CADM2: variants seen among roughly 807,000 people sequenced by gnomAD.
CADM2 encodes the protein cell adhesion molecule 2.
A neutral mutation model predicts 49.8 loss-of-function variants in CADM2; 12 were observed. That is an observed-to-expected ratio of 0.24 (90% confidence interval 0.15 to 0.39). The LOEUF (loss-of-function observed/expected upper bound fraction) is 0.39, where lower values mean the gene tolerates loss of function less well. Among genes scored for constraint, CADM2 ranks in the 10% least tolerant of loss-of-function variants. The pLI, the probability that CADM2 is intolerant of heterozygous loss-of-function variation, is 1.00. For missense variants in CADM2, 378 were observed against 492.3 expected (o/e 0.77, Z 2.20); for synonymous variants, 214 against 175.4 (o/e 1.22, Z -1.74).
intron 1 of CADM2, among the ~76,000 whole-genome samples, chr3:85,131,633 C>G (rs550043418): frequency 2.6e-5 from 4 of 152,084 alleles, no homozygotes; most frequent in African/African-American, 9.7e-5. Flanking sequence ...CATTAATATT[C>G]TCCATTTTTA....
At chr3:85,658,508 GTCTA>G (rs944568263) in intron 1 of CADM2, among the ~76,000 whole-genome samples, 3 of 142,612 alleles carry the variant, frequency 2.1e-5, no homozygotes, top group Non-Finnish European at 3.0e-5. Context: ...TTATCTATCT[GTCTA>G]TCTATCTACC....
chr3:85,454,934 C>A (rs2037924119), intron 1 of CADM2, among the ~76,000 whole-genome samples: 1 of 152,142 alleles, frequency 6.6e-6, no homozygotes. Flanking sequence ...TGATTCAATG[C>A]TGCCTTATTT....
intron 1 of CADM2, among the ~76,000 whole-genome samples, chr3:85,030,810 C>A (rs112408404): frequency 6.6e-5 from 10 of 152,082 alleles, no homozygotes; most frequent in Non-Finnish European, 1.0e-4. Flanking sequence ...AAACTCTTTC[C>A]GTCTCTCCCC....
At position 85,197,795 on chromosome 3, in the gene CADM2, T is replaced by C. The variant is rs78727845; in HGVS notation, c.61+238127T>C. Among the ~76,000 whole-genome samples, 1,052 of 152,086 alleles carry C rather than the reference T, an allele frequency of 6.9e-3. 9 individuals carry two copies. Among genetic ancestry groups the C allele is most frequent in the African/African-American group, 0.023 (963 of 41,556 alleles). On this transcript the variant is annotated intron_variant, in intron 1 of 9. Transcript: ENST00000383699. ...ATGATGCTGCTTGTATTTTTACTTG[T>C]TTTACATGTGCCTCTTAGGAGTACG...
At chr3:85,207,050 A>ATGTGTGTGTGTGTGTGTGTGTGTG (rs3085116) in intron 1 of CADM2, among the ~76,000 whole-genome samples, 2 of 144,884 alleles carry the variant, frequency 1.4e-5, no homozygotes, top group Non-Finnish European at 3.0e-5. Context: ...GAAGAAATAA[A>ATGTGTGTGTGTGTGTGTGTGTGTG]TGTGTGTGTG....
In CADM2 at chr3:85,542,448, C is replaced by G. The variant is rs1381904150; in HGVS notation, c.62-184074C>G. ...TTTAGAACATTGTGATGTCATCATC[C>G]TATCACCTTTTCATCTCATAAGATA... On this transcript the variant is annotated intron_variant, in intron 1 of 9. Transcript: ENST00000383699. 2.0e-5 allele frequency among the ~76,000 whole-genome samples: 3 copies of G among 152,024 alleles called. No homozygotes were observed. In the East Asian group the frequency reaches 5.8e-4, roughly 29 times the overall value.
In CADM2 at chr3:85,360,364, A is replaced by G. The variant is rs559357345; in HGVS notation, c.62-366158A>G. Among the ~76,000 whole-genome samples the G allele has an allele frequency of 7.2e-5, 11 of 152,314 alleles. No individual in the cohort carries two copies. In the South Asian group the frequency reaches 2.3e-3, roughly 32 times the overall value. Reference sequence around the variant, plus strand: ...AAAAAATAGCATCTCAGATGAAATCAACATTTAAAAATAGCTATAGACAAA... The same window carrying G: ...AAAAAATAGCATCTCAGATGAAATCGACATTTAAAAATAGCTATAGACAAA... On this transcript the variant is annotated intron_variant, in intron 1 of 9. Transcript: ENST00000383699.
intron 2 of CADM2, among the ~76,000 whole-genome samples, chr3:85,784,161 G>C (rs1021630836): frequency 6.6e-6 from 1 of 152,136 alleles, no homozygotes; most frequent in African/African-American, 2.4e-5. Context: ...CCAATAACCA[G>C]AACACTTGGA....
intron 1 of CADM2, among the ~76,000 whole-genome samples, chr3:85,325,688 CAAAA>C (rs35096319): frequency 1.0e-3 from 93 of 92,678 alleles, no homozygotes; most frequent in African/African-American, 2.6e-3. Flanking sequence ...AAGACTCCAT[CAAAA>C]AAAAAAAAAA....
intron 1 of CADM2, among the ~76,000 whole-genome samples, chr3:85,056,170 A>T (rs1296990747): frequency 1.3e-5 from 2 of 152,076 alleles, no homozygotes; most frequent in Admixed American, 1.3e-4. Context: ...CTTAGTATCC[A>T]CTGATGACTT....
rs540383772 is a variant in CADM2, at chr3:85,746,164, GA to G, written c.88+19618del. 5.9e-5 allele frequency among the ~76,000 whole-genome samples: 9 copies of G among 152,216 alleles called. No homozygotes were observed. The East Asian group carries it at 1.7e-3, about 29-fold the overall frequency. On this transcript the variant is annotated intron_variant, in intron 2 of 9. Coordinates refer to ENST00000383699, the MANE Select transcript of CADM2 (RefSeq NM_001167675.2). ...CAAAGAGCAACTAGAACCTCATTAT[GA>G]ACAATTATTTTATGGCAATCCAGTA...
At chr3:85,516,970 A>G (rs891942719) in intron 1 of CADM2, among the ~76,000 whole-genome samples, 4 of 151,840 alleles carry the variant, frequency 2.6e-5, no homozygotes, top group Non-Finnish European at 5.9e-5. Context: ...CCTGTTTTCT[A>G]TTGTTCCTTT....
At chr3:85,081,338 G>A (rs1307794685) in intron 1 of CADM2, among the ~76,000 whole-genome samples, 2 of 152,196 alleles carry the variant, frequency 1.3e-5, no homozygotes, top group East Asian at 3.9e-4. Flanking sequence ...ACTAAAATGA[G>A]TTACCTCATG....
chr3:85,859,794 ATGT>A (rs1184767959), intron 3 of CADM2, among the ~76,000 whole-genome samples: 1 of 152,152 alleles, frequency 6.6e-6, no homozygotes, highest in Non-Finnish European at 1.5e-5. Context: ...GTCAGTCTTT[ATGT>A]TGTTCTCATT....
chr3:85,997,158 T>G (rs1415002038), intron 8 of CADM2, among the ~76,000 whole-genome samples: 8 of 152,220 alleles, frequency 5.3e-5, no homozygotes, highest in Admixed American at 5.2e-4. Context: ...AAGGTTTAGG[T>G]GTTCAAAAAC....
intron 1 of CADM2, among the ~76,000 whole-genome samples, chr3:85,392,290 AT>A (rs1293770058): frequency 6.6e-6 from 1 of 151,996 alleles, no homozygotes; most frequent in African/African-American, 2.4e-5. Flanking sequence ...TAACTTAAAT[AT>A]TTTTCCTAGT....
chr3:85,910,204 G>T (rs148462199), intron 5 of CADM2, among the ~76,000 whole-genome samples: 1 of 152,208 alleles, frequency 6.6e-6, no homozygotes, highest in East Asian at 1.9e-4. Flanking sequence ...ACAACCAGCA[G>T]TAATACTTTG....
intron 1 of CADM2, among the ~76,000 whole-genome samples, chr3:85,475,817 C>G (rs1451353829): frequency 6.6e-6 from 1 of 151,822 alleles, no homozygotes. Flanking sequence ...AGGCACTGTT[C>G]CTAGATGTTT....
intron 3 of CADM2, among the ~76,000 whole-genome samples, chr3:85,854,279 G>T (rs982114321): frequency 6.6e-6 from 1 of 152,016 alleles, no homozygotes; most frequent in Non-Finnish European, 1.5e-5. Context: ...CCACTACTGG[G>T]TATATACCCA....
Sources: gnomAD v4.1 joint callset for allele counts (sites outside exome capture counted in the v4.1 genomes callset) on GRCh38, gnomAD v4.1.1 for gene constraint, MANE v1.5 for transcripts, NCBI Gene and HGNC (gene_info 2026-07-23, HGNC 2026-07-21) for gene names.